The following BAIAP2 variants were observed in gnomAD, a reference collection of about 807,000 sequenced individuals.
BAIAP2 encodes BAR/IMD domain containing adaptor protein 2, also known as BAR/IMD domain-containing adapter protein 2.
In BAIAP2, 18 loss-of-function variants were observed where a neutral mutation model predicts 63.0. The observed-to-expected ratio is 0.29, with a 90% CI of 0.20 to 0.42. The LOEUF (loss-of-function observed/expected upper bound fraction) is 0.42. BAIAP2 is among the 10% of genes least tolerant of loss of function. The pLI is 1.00. For synonymous variants in BAIAP2, 386 were observed against 307.6 expected, an observed-to-expected ratio of 1.25 and a Z score of -2.67; for missense variants, 610 against 734.3, an observed-to-expected ratio of 0.83 and a Z score of 1.96.
chr17:81,109,372 TAAA>T (rs747875777), intron 13 of BAIAP2: 16,042 of 879,642 alleles, frequency 0.018, 37 homozygotes, highest in African/African-American at 0.053. Flanking sequence ...AGAAAAATCT[TAAA>T]AAAAAAAAAA....
chr17:81,038,273 G>T (rs1418495937), intron 1 of BAIAP2, among the ~76,000 whole-genome samples: 2 of 152,252 alleles, frequency 1.3e-5, no homozygotes, highest in African/African-American at 4.8e-5. Context: ...CTGAGGGGCT[G>T]GCTCCCTGGC....
At chr17:81,105,477 T>C (rs1374103515) in intron 10 of BAIAP2, 1 of 153,474 alleles carries the variant, frequency 6.5e-6, no homozygotes, top group Admixed American at 6.5e-5. Context: ...TTTGGAGTTC[T>C]AGAAGTCACC....
In BAIAP2 at chr17:81,103,657, C is replaced by T; in HGVS notation, c.798C>T (p.Val266=). The change falls in exon 8 of 14, where the codon GTC becomes GTT. Residue 266 remains valine, a synonymous_variant. Transcript: ENST00000428708. The part of the protein sequence containing the change: ...SALSASKSNL[V]ISDPIPGAKP... ...TGTCGGCCTCCAAGTCCAACCTGGT[C>T]ATTTCCGACCCCATTCCGGGGGCCA... The T allele has an allele frequency of 6.2e-7, 1 of 1,602,102 alleles. No individual in the cohort carries two copies. Among genetic ancestry groups the T allele is most frequent in the Non-Finnish European group, 8.5e-7 (1 of 1,175,478 alleles).
chr17:81,095,622 C>A (rs573157351), intron 6 of BAIAP2, among the ~76,000 whole-genome samples: 5 of 152,096 alleles, frequency 3.3e-5, no homozygotes, highest in African/African-American at 7.2e-5. Context: ...GGCTCCAAGG[C>A]AGGAGGTGTC....
chr17:81,069,514 G>A (rs2052169539), intron 3 of BAIAP2, among the ~76,000 whole-genome samples: 2 of 152,238 alleles, frequency 1.3e-5, no homozygotes, highest in South Asian at 2.1e-4. Context: ...CATGCCATGG[G>A]ACTCTGGGCA....
intron 4 of BAIAP2, chr17:81,085,331 G>A: frequency 1.8e-6 from 1 of 548,304 alleles, no homozygotes; most frequent in South Asian, 2.0e-5. Flanking sequence ...CAGGCCCATG[G>A]GCCCTGCGAC....
chr17:81,102,638 T>TG lies in BAIAP2; in HGVS notation c.643-860dup, dbSNP rs562888416. On this transcript the variant is annotated intron_variant, in intron 7 of 13. Coordinates refer to ENST00000428708, the MANE Select transcript of BAIAP2 (RefSeq NM_001144888.2). ...CAGCAGCAGAGGGGTAGGGGTGGCATGGGGAGGACTTGCTCAGAATGGCTG... is the reference window on the plus strand; with the variant it reads ...CAGCAGCAGAGGGGTAGGGGTGGCATGGGGGAGGACTTGCTCAGAATGGCTG... Among the ~76,000 whole-genome samples, 21 of 152,252 alleles carry TG rather than the reference T, an allele frequency of 1.4e-4. No individual in the cohort carries two copies. In the South Asian group the frequency reaches 4.1e-3, roughly 30 times the overall value.
At chr17:81,108,816 A>C in intron 13 of BAIAP2, 2 of 1,278,030 alleles carry the variant, frequency 1.6e-6, no homozygotes, top group South Asian at 3.1e-5. Flanking sequence ...CTCTGCCCCA[A>C]TCTGTGCTCC....
intron 3 of BAIAP2, among the ~76,000 whole-genome samples, chr17:81,071,098 G>GTTT (rs2052556450): frequency 1.3e-5 from 1 of 77,832 alleles, no homozygotes; most frequent in African/African-American, 3.5e-5. Flanking sequence ...CACAGACATT[G>GTTT]ATTTTTTTTT....
intron 1 of BAIAP2, among the ~76,000 whole-genome samples, chr17:81,037,504 T>G (rs1272492392): frequency 6.6e-6 from 1 of 152,212 alleles, no homozygotes; most frequent in Admixed American, 6.5e-5. Context: ...CTTTTGGCAA[T>G]GTCAGCCAGG....
chr17:81,084,390 A>G (rs763989909), intron 3 of BAIAP2, among the ~76,000 whole-genome samples: 4 of 152,146 alleles, frequency 2.6e-5, no homozygotes, highest in Non-Finnish European at 5.9e-5. Flanking sequence ...GGTGTCCCCC[A>G]GAGGAGGTTT....
chr17:81,091,406 C>G (rs1357401756), intron 6 of BAIAP2, among the ~76,000 whole-genome samples: 1 of 152,114 alleles, frequency 6.6e-6, no homozygotes, highest in Admixed American at 6.5e-5. Context: ...TACAGACCAG[C>G]CCAGCAGCTG....
rs1426678732 is a variant in BAIAP2, at chr17:81,078,551, G to T, written c.218-6281G>T. ...GTGCCGTATTGGGTGGGAGCCGGGC[G>T]CTGTGGGTGCAGGTGCCATCTCCGA... On this transcript the variant is annotated intron_variant, in intron 3 of 13. Coordinates refer to ENST00000428708, the MANE Select transcript of BAIAP2 (RefSeq NM_001144888.2). Among the ~76,000 whole-genome samples the T allele has an allele frequency of 4.4e-5, 6 of 135,566 alleles. No individual in the cohort carries two copies. In the East Asian group the frequency reaches 6.7e-4, roughly 15 times the overall value. The allele number at this position is 135,566 out of a possible 152,430, so 88.9% of individuals were successfully genotyped here.
intron 7 of BAIAP2, 60 bp from the exon 8 acceptor site, chr17:81,103,442 G>T (rs1371555891): frequency 6.8e-7 from 1 of 1,478,926 alleles, no homozygotes; most frequent in East Asian, 2.5e-5. Context: ...TCAGCGCTGT[G>T]CCTGGCTGCA....
intron 4 of BAIAP2, 104 bp from the exon 5 acceptor site, chr17:81,085,550 G>A (rs761769628): frequency 6.7e-5 from 64 of 949,248 alleles, no homozygotes; most frequent in Non-Finnish European, 1.0e-4. Flanking sequence ...TGCACAGCCG[G>A]GACACCCGGT....
Position 81,057,887 on chromosome 17 carries a change from C to A in BAIAP2, c.137C>A (p.Thr46Lys), listed in dbSNP as rs749901447. The change falls in exon 3 of 14, where the codon ACG (threonine) becomes AAG (lysine). Residue 46 changes from threonine to lysine, a missense_variant. Thr to Lys is a moderately conservative substitution (Grantham distance 78). Around this residue, in one of 5 missense-constraint regions of BAIAP2, gnomAD observed 389 missense variants for 455.6 expected, o/e 0.85. Coordinates refer to ENST00000428708, the MANE Select transcript of BAIAP2 (RefSeq NM_001144888.2). The part of the protein sequence containing the change: ...KNYEKALAGV[T>K]YAAKGYFDAL... ...CCCTTTTCTTCTCTCTCAGGTGTGA[C>A]GTATGCAGCCAAAGGCTACTTTGAC... The A allele has an allele frequency of 6.9e-6, 11 of 1,605,018 alleles. No individual in the cohort carries two copies. The South Asian group carries it at 1.2e-4, about 18-fold the overall frequency.
At chr17:81,073,458 G>T (rs1352838216) in intron 3 of BAIAP2, among the ~76,000 whole-genome samples, 2 of 152,210 alleles carry the variant, frequency 1.3e-5, no homozygotes, top group African/African-American at 4.8e-5. Flanking sequence ...TGGTAGAAAT[G>T]ATCTTTTAAC....
intron 1 of BAIAP2, among the ~76,000 whole-genome samples, chr17:81,038,466 C>T (rs2046607365): frequency 6.6e-6 from 1 of 152,236 alleles, no homozygotes. Context: ...GTTGAGAGAG[C>T]ATCTGGGGAG....
intron 4 of BAIAP2, chr17:81,085,149 T>A: frequency 3.5e-6 from 2 of 565,708 alleles, no homozygotes; most frequent in South Asian, 2.0e-5. Context: ...GGGAGAGTCC[T>A]GATCGCAGCC....
Sources: allele counts gnomAD v4.1 joint callset (sites outside exome capture counted in the v4.1 genomes callset), GRCh38; gene constraint gnomAD v4.1.1; regional missense constraint gnomAD v4.1.1; transcripts MANE v1.5; gene names NCBI Gene and HGNC (gene_info 2026-07-23, HGNC 2026-07-21).